The following IRAG2 variants were observed in gnomAD, a reference collection of about 807,000 sequenced individuals.
IRAG2 encodes lymphoid restricted membrane protein.
Under a neutral mutation model 69.9 loss-of-function variants are expected in IRAG2, and 45 were observed. The ratio of observed to expected loss-of-function variants is 0.64; its 90% CI spans 0.51 to 0.83. The LOEUF is 0.83. Ranked by LOEUF, IRAG2 falls within the 40% of genes least tolerant of loss-of-function variation. The pLI is 0.00. For synonymous variants in IRAG2, 193 were observed against 202.4 expected (o/e 0.95, Z 0.40); for missense variants, 520 against 587.0 (o/e 0.89, Z 1.18).
At chr12:25,092,272 C>T (rs11609940) in intron 14 of IRAG2, among the ~76,000 whole-genome samples, 66,641 of 150,328 alleles carry the variant, frequency 0.44, 16,551 homozygotes, top group East Asian at 0.78. Context: ...TGGTGGTGGG[C>T]GCCTGTAGTC....
intron 6 of IRAG2, chr12:25,076,504 T>C: frequency 3.0e-6 from 3 of 985,138 alleles, no homozygotes; most frequent in Non-Finnish European, 3.6e-6. Context: ...AAATACTAAT[T>C]AGACCTTTTT....
intron 15 of IRAG2, among the ~76,000 whole-genome samples, chr12:25,100,502 T>C (rs1948693149): frequency 6.6e-6 from 1 of 152,200 alleles, no homozygotes; most frequent in South Asian, 2.1e-4. Context: ...TCATTAGTTA[T>C]AGGACTTTTA....
At chr12:25,049,050 G>A (rs1336505574), upstream of IRAG2, among the ~76,000 whole-genome samples, 1 of 152,160 alleles carries the variant, frequency 6.6e-6, no homozygotes, top group African/African-American at 2.4e-5. Flanking sequence ...AGATCAGATG[G>A]TTGCTGGTGT....
exon 7 of IRAG2, chr12:25,020,898 C>G: frequency 8.2e-7 from 1 of 1,226,662 alleles, no homozygotes; most frequent in Non-Finnish European, 1.0e-6. Flanking sequence ...TAGCCCAGAG[C>G]AAACAATTAG....
At chr12:25,026,769 A>C (rs1444406361) in intron 8 of IRAG2, 1 of 1,149,444 alleles carries the variant, frequency 8.7e-7, no homozygotes, top group Non-Finnish European at 1.1e-6. Context: ...TAAATCCAAG[A>C]ATACTATCTT....
At chr12:25,100,623 A>G (rs1418883310) in intron 15 of IRAG2, among the ~76,000 whole-genome samples, 1 of 152,170 alleles carries the variant, frequency 6.6e-6, no homozygotes, top group Non-Finnish European at 1.5e-5. Context: ...CTGGATCTCA[A>G]TATTCAATAT....
chr12:25,051,435 G>A (rs778178687), upstream of IRAG2, among the ~76,000 whole-genome samples: 4 of 152,196 alleles, frequency 2.6e-5, no homozygotes, highest in Non-Finnish European at 5.9e-5. Flanking sequence ...TGCAACTCCC[G>A]ACATTTATCA....
intron 9 of IRAG2, among the ~76,000 whole-genome samples, chr12:25,027,388 C>CTTTTT (rs150854134): frequency 1.8e-5 from 2 of 111,350 alleles, no homozygotes; most frequent in African/African-American, 2.9e-5. Flanking sequence ...ATTACTACCT[C>CTTTTT]TTTTTTTTTC....
chr12:25,071,772 C>A (rs555573519), intron 6 of IRAG2, among the ~76,000 whole-genome samples: 2 of 151,576 alleles, frequency 1.3e-5, no homozygotes, highest in African/African-American at 4.8e-5. Context: ...ATCATAATTA[C>A]TTAGCATTAC....
At chr12:25,003,871 G>T (rs1030733269), upstream of IRAG2, among the ~76,000 whole-genome samples, 3 of 152,184 alleles carry the variant, frequency 2.0e-5, no homozygotes, top group Non-Finnish European at 1.5e-5. Flanking sequence ...GTATTCAAAT[G>T]AGAGATGTTA....
chr12:25,000,592 C>A (rs1358267322), upstream of IRAG2, among the ~76,000 whole-genome samples: 1 of 152,200 alleles, frequency 6.6e-6, no homozygotes, highest in Non-Finnish European at 1.5e-5. Context: ...ATAGCCACGG[C>A]TCTACAGCCT....
chr12:25,071,746 G>T (rs113060773), intron 6 of IRAG2, among the ~76,000 whole-genome samples: 65 of 151,420 alleles, frequency 4.3e-4, no homozygotes, highest in African/African-American at 1.5e-3. Flanking sequence ...TTAGTACACT[G>T]AATTTAGACA....
At chr12:25,022,720 G>C (rs1269450882) in intron 7 of IRAG2, among the ~76,000 whole-genome samples, 1 of 152,186 alleles carries the variant, frequency 6.6e-6, no homozygotes, top group Non-Finnish European at 1.5e-5. Context: ...AAAGTCAATT[G>C]TCTAATAAAT....
upstream of IRAG2, among the ~76,000 whole-genome samples, chr12:25,002,758 C>T (rs1944401584): frequency 1.3e-5 from 2 of 151,976 alleles, no homozygotes; most frequent in African/African-American, 4.8e-5. Flanking sequence ...TCTCCTGCCT[C>T]AGCCTCCCAA....
intron 1 of IRAG2, chr12:25,005,168 CAA>C (rs59249841): frequency 0.023 from 15,164 of 654,674 alleles, 96 homozygotes; most frequent in Non-Finnish European, 0.026. Context: ...TTTGTTAAAC[CAA>C]AAAAAAAAAA....
At chr12:25,077,330 T>TATATATATGATATATATATG (rs1565563393) in intron 6 of IRAG2, among the ~76,000 whole-genome samples, 6 of 12,252 alleles carry the variant, frequency 4.9e-4, no homozygotes, top group African/African-American at 7.7e-4. Flanking sequence ...ATATATATGA[T>TATATATATGATATATATATG]ATATATATGA....
chr12:25,034,630 T>C (rs1944691107), intron 13 of IRAG2, among the ~76,000 whole-genome samples: 1 of 152,250 alleles, frequency 6.6e-6, no homozygotes, highest in Non-Finnish European at 1.5e-5. Context: ...GTGCTTGTTA[T>C]GCTCAGAAAT....
chr12:25,107,225 G>C (rs1388184441), intron 21 of IRAG2, among the ~76,000 whole-genome samples, 175 bp downstream of exon 21: 1 of 152,094 alleles, frequency 6.6e-6, no homozygotes, highest in East Asian at 1.9e-4. Context: ...TCTATTTTGA[G>C]AGACAGACTA....
rs752915212 is a variant in IRAG2 at position 25,096,945 on chromosome 12, A to G, written c.642A>G (p.Ala214=). ...LTPLCEDDNQ[A]QEIIKKLEKS... ...CTCTGTGTGAAGATGACAACCAGGC[A>G]CAGGAAATCATTAAGAAGCTGGAGA... The change falls in exon 15 of 22, where the codon GCA becomes GCG. Residue 214 remains alanine (A), a synonymous_variant. Coordinates refer to ENST00000556887, the MANE Select transcript of IRAG2 (RefSeq NM_001366544.2). 1 of 1,613,842 alleles carries G rather than the reference A, an allele frequency of 6.2e-7. No homozygotes were observed. Among genetic ancestry groups the G allele is most frequent in the Non-Finnish European group, 8.5e-7 (1 of 1,179,798 alleles).
Sources: gnomAD v4.1 joint callset for allele counts (sites outside exome capture counted in the v4.1 genomes callset) on GRCh38, gnomAD v4.1.1 for gene constraint, MANE v1.5 for transcripts, NCBI Gene and HGNC (gene_info 2026-07-23, HGNC 2026-07-21) for gene names.